Variants in CERS6 observed in about 807,000 individuals in gnomAD.
CERS6 encodes LAG1 homolog, ceramide synthase 6.
CERS6 carries 26 observed loss-of-function variants against 56.8 expected under a neutral mutation model. That is an observed-to-expected ratio of 0.46 (90% confidence interval 0.34 to 0.63). The LOEUF (loss-of-function observed/expected upper bound fraction) is 0.63. Ranked by LOEUF, CERS6 falls within the 30% of genes least tolerant of loss-of-function variation. CERS6 has a pLI of 0.01. For missense variants in CERS6, 415 were observed against 467.5 expected (o/e 0.89, Z 1.04); for synonymous variants, 164 against 173.3 (o/e 0.95, Z 0.42).
At chr2:168,552,408 GAGAA>G (rs1695592690) in intron 2 of CERS6, among the ~76,000 whole-genome samples, 2 of 149,932 alleles carry the variant, frequency 1.3e-5, no homozygotes, top group African/African-American at 4.9e-5. Context: ...CACAAACACA[GAGAA>G]AGAAAAAATG....
chr2:168,607,807 G>A (rs1021362174), intron 3 of CERS6, among the ~76,000 whole-genome samples: 4 of 152,202 alleles, frequency 2.6e-5, no homozygotes, highest in Non-Finnish European at 5.9e-5. Context: ...TATTTTGGAA[G>A]CATACAAAGA....
intron 8 of CERS6, among the ~76,000 whole-genome samples, chr2:168,721,147 C>G (rs1028431337): frequency 9.2e-5 from 14 of 152,198 alleles, no homozygotes; most frequent in African/African-American, 3.4e-4. Flanking sequence ...AACCACTAAC[C>G]TGCTTGCTGT....
intron 8 of CERS6, among the ~76,000 whole-genome samples, chr2:168,729,784 T>C (rs879938435): frequency 6.6e-6 from 1 of 152,244 alleles, no homozygotes; most frequent in Non-Finnish European, 1.5e-5. Context: ...TCATTTAACT[T>C]TTGATATCTT....
chr2:168,505,170 T>G (rs1694653352), intron 1 of CERS6, among the ~76,000 whole-genome samples: 1 of 151,782 alleles, frequency 6.6e-6, no homozygotes, highest in African/African-American at 2.4e-5. Context: ...GAGCCCAGGA[T>G]TTAGAGAGAG....
At chr2:168,743,259 C>T (rs997437622) in intron 8 of CERS6, among the ~76,000 whole-genome samples, 1 of 150,162 alleles carries the variant, frequency 6.7e-6, no homozygotes, top group South Asian at 2.1e-4. Flanking sequence ...TATATATACA[C>T]GTATGTATGT....
intron 3 of CERS6, among the ~76,000 whole-genome samples, chr2:168,582,009 C>T (rs766208537): frequency 3.9e-5 from 6 of 152,168 alleles, no homozygotes; most frequent in Non-Finnish European, 8.8e-5. Flanking sequence ...TCCCCATGAC[C>T]GTAACCACCT....
At chr2:168,762,411 C>G (rs1264380508) in intron 8 of CERS6, among the ~76,000 whole-genome samples, 2 of 152,118 alleles carry the variant, frequency 1.3e-5, no homozygotes, top group Non-Finnish European at 2.9e-5. Flanking sequence ...CCGTGGTTTT[C>G]CTGATTTTAA....
intron 4 of CERS6, among the ~76,000 whole-genome samples, chr2:168,642,331 G>A (rs753768894): frequency 1.3e-4 from 19 of 151,372 alleles, no homozygotes; most frequent in African/African-American, 2.4e-4. Flanking sequence ...GACAGAATGA[G>A]ACCCTGTCTC....
intron 8 of CERS6, among the ~76,000 whole-genome samples, chr2:168,720,741 T>C (rs1298962461): frequency 6.6e-6 from 1 of 152,220 alleles, no homozygotes; most frequent in Non-Finnish European, 1.5e-5. Context: ...AGTATTGGCT[T>C]GTTAAGTGAG....
chr2:168,707,417 T>C lies in CERS6; in HGVS notation c.610-7584T>C, dbSNP rs147205927. Among the ~76,000 whole-genome samples the C allele has an allele frequency of 2.5e-3, 375 of 152,294 alleles. 1 individual carries two copies. The highest frequency in any genetic ancestry group is 8.4e-3 in the African/African-American group (351 of 41,564). Reference sequence around the variant, plus strand: ...CCTTCCTGCCAGGACTCCTCCACCTTATAATGGAACAAACATTTCCCAAAT... The same window carrying C: ...CCTTCCTGCCAGGACTCCTCCACCTCATAATGGAACAAACATTTCCCAAAT... On this transcript the variant is annotated intron_variant, in intron 6 of 9. Coordinates refer to ENST00000305747, the MANE Select transcript of CERS6 (RefSeq NM_203463.3).
intron 1 of CERS6, among the ~76,000 whole-genome samples, chr2:168,477,465 A>G (rs1694100582): frequency 1.3e-5 from 2 of 152,206 alleles, no homozygotes; most frequent in Non-Finnish European, 2.9e-5. Flanking sequence ...TGAAAAGTCA[A>G]CTTTTTTCTA....
At chr2:168,614,791 A>G (rs1441906603) in intron 3 of CERS6, among the ~76,000 whole-genome samples, 3 of 152,086 alleles carry the variant, frequency 2.0e-5, no homozygotes, top group African/African-American at 7.2e-5. Context: ...GGCTCACTCT[A>G]GTAGCTGAAG....
At chr2:168,627,914 T>C (rs1453896249) in intron 3 of CERS6, among the ~76,000 whole-genome samples, 2 of 152,154 alleles carry the variant, frequency 1.3e-5, no homozygotes, top group African/African-American at 4.8e-5. Context: ...CTTAATTTTA[T>C]ACTGTATGTA....
intron 1 of CERS6, among the ~76,000 whole-genome samples, chr2:168,527,251 A>C (rs1438786269): frequency 1.3e-5 from 2 of 152,282 alleles, no homozygotes; most frequent in Admixed American, 1.3e-4. Flanking sequence ...TCACATCAAG[A>C]TTGAATTAGA....
At chr2:168,658,522 G>A (rs1032902093) in intron 4 of CERS6, among the ~76,000 whole-genome samples, 1 of 152,242 alleles carries the variant, frequency 6.6e-6, no homozygotes, top group African/African-American at 2.4e-5. Flanking sequence ...AGGCATGGGA[G>A]TCTGCACCTA....
intron 1 of CERS6, among the ~76,000 whole-genome samples, chr2:168,525,331 G>T (rs2105358757): frequency 6.6e-6 from 1 of 152,346 alleles, no homozygotes; most frequent in Non-Finnish European, 1.5e-5. Context: ...TCTCAGGTGA[G>T]GCTGAGGCTG....
chr2:168,565,345 T>C (rs80092164), intron 3 of CERS6, among the ~76,000 whole-genome samples: 5,847 of 152,194 alleles, frequency 0.038, 273 homozygotes, highest in African/African-American at 0.1. Context: ...ATGACTCAGG[T>C]GGAGTCTGAA....
chr2:168,661,488 T>A (rs1034430486), intron 4 of CERS6, among the ~76,000 whole-genome samples: 1 of 152,198 alleles, frequency 6.6e-6, no homozygotes, highest in Admixed American at 6.5e-5. Flanking sequence ...CGACAAAACC[T>A]TTCTCCTCAT....
chr2:168,733,133 A>T (rs1307853902), intron 8 of CERS6, among the ~76,000 whole-genome samples: 5 of 152,218 alleles, frequency 3.3e-5, no homozygotes, highest in Non-Finnish European at 7.3e-5. Flanking sequence ...ATAAAATGGA[A>T]CATGTTTATC....
Sources: gnomAD v4.1 joint callset for allele counts (sites outside exome capture counted in the v4.1 genomes callset) on GRCh38, gnomAD v4.1.1 for gene constraint, MANE v1.5 for transcripts, NCBI Gene and HGNC (gene_info 2026-07-23, HGNC 2026-07-21) for gene names.